Variants in CPPED1 observed in about 807,000 individuals in gnomAD.
CPPED1 encodes calcineurin like phosphoesterase domain containing 1, also known as serine/threonine-protein phosphatase CPPED1.
A neutral mutation model predicts 28.0 loss-of-function variants in CPPED1; 28 were observed. The ratio of observed to expected loss-of-function variants is 1.00; its 90% CI spans 0.74 to 1.37. The LOEUF (loss-of-function observed/expected upper bound fraction) is 1.37, where lower values mean the gene tolerates loss of function less well. Among genes scored for constraint, CPPED1 ranks in the 40% most tolerant of loss-of-function variants. The pLI, the probability that CPPED1 is intolerant of heterozygous loss-of-function variation, is 0.00. For synonymous variants in CPPED1, 198 were observed against 180.2 expected (o/e 1.10, Z -0.79); for missense variants, 504 against 416.5 (o/e 1.21, Z -1.83).
chr16:12,728,899 G>C (rs1474471975), intron 2 of CPPED1, among the ~76,000 whole-genome samples: 1 of 152,194 alleles, frequency 6.6e-6, no homozygotes, highest in Admixed American at 6.5e-5. Context: ...AAGAATTGAA[G>C]CAGAGGACAA....
intron 2 of CPPED1, among the ~76,000 whole-genome samples, chr16:12,734,058 GTTTTTTTT>G (rs71142517): frequency 3.1e-5 from 2 of 64,408 alleles, no homozygotes; most frequent in African/African-American, 1.7e-4. Context: ...CAAATTACAC[GTTTTTTTT>G]TTTTTTTTTT....
intron 2 of CPPED1, chr16:12,757,941 G>A (rs2141224384): frequency 6.6e-6 from 1 of 151,748 alleles, no homozygotes; most frequent in South Asian, 2.1e-4. Flanking sequence ...ACATTATTGA[G>A]GCAAATCATG....
intron 3 of CPPED1, among the ~76,000 whole-genome samples, chr16:12,687,562 G>C (rs1247123598): frequency 1.3e-5 from 2 of 152,168 alleles, no homozygotes; most frequent in Non-Finnish European, 2.9e-5. Context: ...CTTGACATCA[G>C]GAATTTGAGG....
intron 1 of CPPED1, among the ~76,000 whole-genome samples, chr16:12,800,270 C>T (rs2080651301): frequency 6.6e-6 from 1 of 152,158 alleles, no homozygotes; most frequent in South Asian, 2.1e-4. Flanking sequence ...GAAACCCTGT[C>T]TCTACTAAAA....
intron 2 of CPPED1, among the ~76,000 whole-genome samples, chr16:12,770,346 C>A (rs1035395113): frequency 3.9e-5 from 6 of 152,178 alleles, no homozygotes; most frequent in South Asian, 2.1e-4. Flanking sequence ...CAGCACTGTT[C>A]AAATTAACTC....
intron 2 of CPPED1, among the ~76,000 whole-genome samples, chr16:12,768,984 G>C (rs2080455135): frequency 6.6e-6 from 1 of 151,504 alleles, no homozygotes; most frequent in Non-Finnish European, 1.5e-5. Flanking sequence ...TCCTGCCTCA[G>C]ACTCCCAAGT....
At chr16:12,704,099 C>T (rs1280382217) in intron 3 of CPPED1, among the ~76,000 whole-genome samples, 1 of 152,190 alleles carries the variant, frequency 6.6e-6, no homozygotes, top group East Asian at 1.9e-4. Context: ...TCCTGAGTCA[C>T]AGCTGATGAA....
chr16:12,704,959 T>C lies in CPPED1; in HGVS notation c.380A>G (p.Asn127Ser), dbSNP rs3748982. Residue 127 changes from asparagine to serine, a missense_variant, in exon 3 of 4, where the codon AAC (asparagine) becomes AGC (serine). Transcript: ENST00000381774. ...RAIPLVLVSG[N>S]HDIGNTPTAE... ...CGTGGGGGTGTTGCCAATGTCATGG[T>C]TGCCGCTGACAAGGACCAGTGGGAT... The C allele has an allele frequency of 4.3e-6, 7 of 1,614,230 alleles. No individual in the cohort carries two copies. In the East Asian group the frequency reaches 6.7e-5, roughly 15 times the overall value.
intron 2 of CPPED1, among the ~76,000 whole-genome samples, chr16:12,766,735 C>T (rs1348885731): frequency 6.6e-6 from 1 of 152,120 alleles, no homozygotes; most frequent in Non-Finnish European, 1.5e-5. Context: ...CGCCACTGCA[C>T]TCCAGCCTGG....
intron 3 of CPPED1, among the ~76,000 whole-genome samples, chr16:12,689,481 T>C (rs552039749): frequency 1.3e-5 from 2 of 151,846 alleles, no homozygotes; most frequent in African/African-American, 2.4e-5. Flanking sequence ...CCTCCCACCT[T>C]GGCCTCCCAA....
At chr16:12,685,586 G>A (rs2079928637) in intron 3 of CPPED1, among the ~76,000 whole-genome samples, 1 of 152,194 alleles carries the variant, frequency 6.6e-6, no homozygotes, top group Admixed American at 6.5e-5. Flanking sequence ...TGCTTCTTGG[G>A]ACCGTGTTTG....
chr16:12,664,659 T>A lies in CPPED1; in HGVS notation c.*227A>T, dbSNP rs2079814753. 7.3e-7 allele frequency: 1 copy of A among 1,368,908 alleles called. No individual in the cohort carries two copies. The allele number at this position is 1,368,908 out of a possible 1,614,324, so 84.8% of individuals were successfully genotyped here. ...TCCATGCAGAGATAGTCTAATATTT[T>A]AAAAACTGATTTCCAGGATCATTCG... On this transcript the variant is annotated 3_prime_UTR_variant, in exon 4 of 4. Transcript: ENST00000381774. The surrounding 1 kb of genome is among the most constrained non-coding windows in gnomAD (Gnocchi z 4.2).
chr16:12,737,268 G>T (rs993459676), intron 2 of CPPED1, among the ~76,000 whole-genome samples: 9 of 152,148 alleles, frequency 5.9e-5, no homozygotes, highest in African/African-American at 2.2e-4. Context: ...ACAACTTGAA[G>T]GTGTAGGGCA....
At chr16:12,774,646 T>A (rs1214849088) in intron 2 of CPPED1, among the ~76,000 whole-genome samples, 2 of 152,190 alleles carry the variant, frequency 1.3e-5, no homozygotes, top group Non-Finnish European at 2.9e-5. Context: ...AAAACTCATG[T>A]TGAAACGTAA....
rs1378693181 is a variant in CPPED1, at chr16:12,709,412, G to A, written c.290-4363C>T. Among the ~76,000 whole-genome samples the A allele has an allele frequency of 2.0e-5, 3 of 152,136 alleles. No homozygotes were observed. Among genetic ancestry groups the A allele is most frequent in the Admixed American group, 6.5e-5 (1 of 15,270 alleles). On this transcript the variant is annotated intron_variant, in intron 2 of 3. Transcript: ENST00000381774. This position sits in a 1 kb window ranked among gnomAD's most constrained non-coding sequence, Gnocchi z 4.4. ...ATGTCAGCACACACCTGACCCCCAC[G>A]GAGAGGAGCCCTGGGTGGGAATGGC...
intron 1 of CPPED1, among the ~76,000 whole-genome samples, chr16:12,802,596 G>A (rs185671751): frequency 2.0e-5 from 3 of 152,234 alleles, no homozygotes; most frequent in Non-Finnish European, 4.4e-5. Context: ...GCAAGACTCC[G>A]CCTTAAATGA....
At chr16:12,706,175 T>A (rs998127355) in intron 2 of CPPED1, among the ~76,000 whole-genome samples, 1 of 152,026 alleles carries the variant, frequency 6.6e-6, no homozygotes, top group Non-Finnish European at 1.5e-5. Flanking sequence ...AGTAAGTTAA[T>A]AATATAAGGC....
At chr16:12,785,556 T>C (rs867567565) in intron 1 of CPPED1, among the ~76,000 whole-genome samples, 1 of 151,706 alleles carries the variant, frequency 6.6e-6, no homozygotes, top group Non-Finnish European at 1.5e-5. Flanking sequence ...GCCTCCCGAG[T>C]AGCTGCGATT....
At chr16:12,802,327 C>A (rs143086005) in intron 1 of CPPED1, among the ~76,000 whole-genome samples, 44 of 152,296 alleles carry the variant, frequency 2.9e-4, no homozygotes, top group African/African-American at 1.0e-3. Context: ...CCAGGCCGGG[C>A]GCGGTGGCTC....
Sources: allele counts gnomAD v4.1 joint callset (sites outside exome capture counted in the v4.1 genomes callset), GRCh38; gene constraint gnomAD v4.1.1; non-coding constraint Gnocchi (gnomAD v3.1); transcripts MANE v1.5; gene names NCBI Gene and HGNC (gene_info 2026-07-23, HGNC 2026-07-21).